Variants in ESRP1 observed in about 807,000 individuals in gnomAD.
ESRP1 encodes the protein epithelial splicing regulatory protein 1.
A neutral mutation model predicts 81.7 loss-of-function variants in ESRP1; 33 were observed. That is an observed-to-expected ratio of 0.40 (90% CI 0.31 to 0.54). The LOEUF (loss-of-function observed/expected upper bound fraction) is 0.54, where lower values mean the gene tolerates loss of function less well. Among genes scored for constraint, ESRP1 ranks in the 20% least tolerant of loss-of-function variants. The probability of loss-of-function intolerance (pLI) is 0.41; values close to 1 mark genes in which losing one functional copy is unlikely to be tolerated. For missense variants in ESRP1, 672 were observed against 833.1 expected (o/e 0.81, Z 2.38); for synonymous variants, 320 against 303.3 (o/e 1.06, Z -0.57).
At chr8:94,677,591 G>A (rs1199502834) in intron 12 of ESRP1, among the ~76,000 whole-genome samples, 2 of 152,168 alleles carry the variant, frequency 1.3e-5, no homozygotes, top group African/African-American at 2.4e-5. Context: ...TCTTTTTAAA[G>A]GTCTGAAGAT....
chr8:94,705,124 C>T (rs1176167720), intron 15 of ESRP1, among the ~76,000 whole-genome samples: 1 of 148,076 alleles, frequency 6.8e-6, no homozygotes, highest in East Asian at 2.0e-4. Context: ...CATATAGAGC[C>T]CATATGTTTG....
At position 94,665,179 on chromosome 8, in the gene ESRP1, T is replaced by C; in HGVS notation, c.914T>C (p.Phe305Ser). The change falls in exon 9 of 16, where the codon TTC (phenylalanine) becomes TCC (serine). Residue 305 changes from phenylalanine to serine, a missense_variant. Phe to Ser is a radical substitution (Grantham distance 155). Coordinates refer to ENST00000433389, the MANE Select transcript of ESRP1 (RefSeq NM_017697.4). ...GTTTACAAAGCAACAGGTGAAGATT[T>C]CCTTAAAATTGCTGGTGGTAAGTGC... Reference protein sequence around the residue: ...IEVYKATGEDFLKIAGGTSNE... With the variant: ...IEVYKATGEDSLKIAGGTSNE... The C allele has an allele frequency of 6.2e-7, 1 of 1,613,290 alleles. No homozygotes were observed. Among genetic ancestry groups the C allele is most frequent in the African/African-American group, 1.3e-5 (1 of 75,066 alleles).
Position 94,664,120 on chromosome 8 carries a change from C to CTTTTT in ESRP1, c.645-560_645-556dup, listed in dbSNP as rs755384250. The stretch of plus-strand genomic sequence containing the variant: ...GGGTGCCAAGCAAACATTTCCTCAG[C>CTTTTT]TTTTTTTTTTTTTTTTTTTTTGAGA... On this transcript the variant is annotated intron_variant, in intron 6 of 15. Coordinates refer to ENST00000433389, the MANE Select transcript of ESRP1 (RefSeq NM_017697.4). Among the ~76,000 whole-genome samples the CTTTTT allele has an allele frequency of 5.1e-3, 502 of 98,512 alleles. 10 individuals are homozygous for CTTTTT. Among genetic ancestry groups the CTTTTT allele is most frequent in the African/African-American group, 0.016 (448 of 27,204 alleles). The allele number at this position is 98,512 out of a possible 152,430, so 64.6% of individuals were successfully genotyped here.
intron 13 of ESRP1, among the ~76,000 whole-genome samples, chr8:94,690,428 C>A (rs557574212): frequency 9.2e-5 from 14 of 151,706 alleles, no homozygotes; most frequent in Admixed American, 8.5e-4. Flanking sequence ...CCACTGCACC[C>A]GGCCTAGAAT....
intron 13 of ESRP1, among the ~76,000 whole-genome samples, chr8:94,685,480 A>G (rs1809100465): frequency 6.6e-6 from 1 of 152,156 alleles, no homozygotes; most frequent in Non-Finnish European, 1.5e-5. Flanking sequence ...ACTGCACTCT[A>G]GTCTGGTTGA....
At chr8:94,641,675 G>C in intron 1 of ESRP1, 2 of 735,628 alleles carry the variant, frequency 2.7e-6, no homozygotes, top group Non-Finnish European at 4.2e-6. Context: ...AGAGGCCGGC[G>C]CTACCGAGCC....
At chr8:94,647,212 CCTT>C (rs1305885294) in intron 4 of ESRP1, among the ~76,000 whole-genome samples, 2 of 152,128 alleles carry the variant, frequency 1.3e-5, no homozygotes, top group South Asian at 2.1e-4. Flanking sequence ...TTTTCATTTG[CCTT>C]CTTCTTGGAG....
chr8:94,674,383 A>G lies in ESRP1; in HGVS notation c.1528A>G (p.Lys510Glu). The G allele has an allele frequency of 1.2e-6, 2 of 1,613,670 alleles. No individual in the cohort carries two copies. Among genetic ancestry groups the G allele is most frequent in the Non-Finnish European group, 1.7e-6 (2 of 1,179,734 alleles). The change falls in exon 12 of 16, where the codon AAA becomes GAA. Residue 510 changes from lysine to glutamate, a missense_variant. Physicochemically the swap from Lys to Glu is moderately conservative, Grantham distance 56 (BLOSUM62 1). Transcript: ENST00000433389. ...RAFMAAQKCH[K>E]KNMKDRYVEV... ...ATTTATGGCTGCACAGAAGTGTCAT[A>G]AAAAAAACATGAAGGACAGATATGT...
intron 3 of ESRP1, among the ~76,000 whole-genome samples, chr8:94,645,867 A>G (rs909157813): frequency 1.3e-5 from 2 of 152,192 alleles, no homozygotes; most frequent in East Asian, 1.9e-4. Flanking sequence ...ACAGCCAGAA[A>G]ATATGAAGTA....
intron 11 of ESRP1, 106 bp downstream of exon 11, chr8:94,671,777 TATTAGTCTTTGATAAATAAA>T (rs1326249843): frequency 5.8e-6 from 4 of 690,596 alleles, no homozygotes; most frequent in Non-Finnish European, 8.9e-6. Context: ...TAATATTAGA[TATTAGTCTTTGATAAATAAA>T]ATTAGTCTGA....
Position 94,671,518 on chromosome 8 carries a change from A to C in ESRP1, c.1299A>C (p.Leu433=), listed in dbSNP as rs1429952295. 1 of 1,613,656 alleles carries C rather than the reference A, an allele frequency of 6.2e-7. No homozygotes were observed. The highest frequency in any genetic ancestry group is 8.5e-7 in the Non-Finnish European group (1 of 1,179,798). Residue 433 remains leucine, a synonymous_variant, in exon 11 of 16, where the codon CTA becomes CTC. Transcript: ENST00000433389. ...CAACCCCTCCCATTATTCCAGTACT[A>C]CCTCAGCAATTTGTGCCCCCTACAA... is the stretch of plus-strand genomic sequence containing the variant. ...PLPTPPIIPV[L]PQQFVPPTNV... is the part of the protein sequence containing the mutation.
chr8:94,654,816 T>C (rs778870235), intron 4 of ESRP1, among the ~76,000 whole-genome samples: 1 of 151,286 alleles, frequency 6.6e-6, no homozygotes, highest in Non-Finnish European at 1.5e-5. Context: ...CTGTGGTCCA[T>C]GCTACTTGGG....
rs560975459 is a variant in ESRP1, at chr8:94,667,147, G to A, written c.932-802G>A. 3.8e-3 allele frequency among the ~76,000 whole-genome samples: 575 copies of A among 151,396 alleles called. 2 individuals are homozygous for A. The highest frequency in any genetic ancestry group is 0.013 in the African/African-American group (534 of 41,220). On this transcript the variant is annotated intron_variant, in intron 9 of 15. Coordinates refer to ENST00000433389, the MANE Select transcript of ESRP1 (RefSeq NM_017697.4). ...CAGGAGAATCAACTTGAATCTCTGC[G>A]GCGGTGTTTGCAGTGAGCCGAGACC...
At chr8:94,660,609 G>A (rs1346321616) in intron 4 of ESRP1, among the ~76,000 whole-genome samples, 11 of 150,574 alleles carry the variant, frequency 7.3e-5, no homozygotes, top group South Asian at 4.2e-4. Context: ...ATGGTGGCGC[G>A]TGCCTGTAAT....
intron 15 of ESRP1, among the ~76,000 whole-genome samples, chr8:94,703,153 T>TTTG (rs143247522): frequency 0.028 from 4,173 of 148,538 alleles, 211 homozygotes; most frequent in African/African-American, 0.099. Context: ...GCAGTTTCTT[T>TTTG]TTGTTGTTGT....
intron 13 of ESRP1, among the ~76,000 whole-genome samples, chr8:94,686,764 T>A (rs973552085): frequency 2.0e-5 from 3 of 152,242 alleles, no homozygotes; most frequent in Non-Finnish European, 4.4e-5. Flanking sequence ...TGTAAAGGTA[T>A]AATGGAGGTA....
At chr8:94,696,063 AAAAC>A (rs142591127) in intron 14 of ESRP1, among the ~76,000 whole-genome samples, 8,427 of 152,236 alleles carry the variant, frequency 0.055, 285 homozygotes, top group East Asian at 0.14. Context: ...ACTCTGTCTC[AAAAC>A]AAACAAACAA....
rs1818950517 is a variant in ESRP1, at chr8:94,665,063, T to C, written c.888+4T>C. On this transcript the variant is annotated splice_donor_region_variant and intron_variant, in intron 8 of 15. Coordinates refer to ENST00000433389, the MANE Select transcript of ESRP1 (RefSeq NM_017697.4). ...CATGGGGACCCGGTATATTGAGGTATGTCCTCAAAACCTGAACCCCTGGAC... is the reference window on the plus strand; with the variant it reads ...CATGGGGACCCGGTATATTGAGGTACGTCCTCAAAACCTGAACCCCTGGAC... 2 of 1,613,630 alleles carry C rather than the reference T, an allele frequency of 1.2e-6. No individual in the cohort carries two copies. The highest frequency in any genetic ancestry group is 1.7e-5 in the Admixed American group (1 of 59,970).
chr8:94,660,518 C>G (rs935419545), intron 4 of ESRP1, among the ~76,000 whole-genome samples: 1 of 151,816 alleles, frequency 6.6e-6, no homozygotes, highest in Non-Finnish European at 1.5e-5. Flanking sequence ...GCAGGTGGAT[C>G]AGCTGAGGTC....
Sources: allele counts gnomAD v4.1 joint callset (sites outside exome capture counted in the v4.1 genomes callset), GRCh38; gene constraint gnomAD v4.1.1; transcripts MANE v1.5; gene names NCBI Gene and HGNC (gene_info 2026-07-23, HGNC 2026-07-21).